DCC: variants seen among roughly 807,000 people sequenced by gnomAD.
DCC encodes the protein DCC netrin 1 receptor, also known as netrin receptor DCC.
DCC carries 58 observed loss-of-function variants against 172.5 expected under a neutral mutation model. The observed-to-expected ratio is 0.34, with a 90% CI of 0.27 to 0.42. The LOEUF is 0.42. Among genes scored for constraint, DCC ranks in the 10% least tolerant of loss-of-function variants. The pLI, the probability that DCC is intolerant of heterozygous loss-of-function variation, is 1.00. For missense variants in DCC, 1,740 were observed against 1,791.0 expected (o/e 0.97, Z 0.51); for synonymous variants, 709 against 644.5 (o/e 1.10, Z -1.52).
chr18:52,590,593 C>G (rs577835007), intron 1 of DCC, among the ~76,000 whole-genome samples: 1 of 152,174 alleles, frequency 6.6e-6, no homozygotes, highest in Middle Eastern at 3.4e-3. Context: ...GCTGAGAGTG[C>G]GAAGATGAGG....
chr18:53,201,677 C>T lies in DCC; in HGVS notation c.1574-3539C>T, dbSNP rs564781308. On this transcript the variant is annotated intron_variant, in intron 9 of 28. Coordinates refer to ENST00000442544, the MANE Select transcript of DCC (RefSeq NM_005215.4). ...TGGTTTGCTTTGTTTCATTTTTTTC[C>T]CATTAAGGAAATGTCTGCTTTGTTA... Among the ~76,000 whole-genome samples the T allele has an allele frequency of 8.5e-4, 129 of 152,048 alleles. 1 individual carries two copies. Among genetic ancestry groups the T allele is most frequent in the Non-Finnish European group, 1.6e-3 (109 of 67,990 alleles).
chr18:52,620,320 A>T, intron 1 of DCC, among the ~76,000 whole-genome samples: 1 of 152,206 alleles, frequency 6.6e-6, no homozygotes, highest in East Asian at 1.9e-4. Flanking sequence ...GAGCTACACT[A>T]ACTGGAGAGA....
intron 2 of DCC, among the ~76,000 whole-genome samples, chr18:52,790,784 A>G (rs906447536): frequency 6.6e-6 from 1 of 152,168 alleles, no homozygotes; most frequent in Non-Finnish European, 1.5e-5. Context: ...TGCCTGCAGA[A>G]TTGCCTGTTT....
chr18:53,389,147 T>A (rs1908379696), intron 16 of DCC, among the ~76,000 whole-genome samples: 1 of 152,172 alleles, frequency 6.6e-6, no homozygotes, highest in Non-Finnish European at 1.5e-5. Context: ...AAACACCTGT[T>A]AGGAATTGAA....
chr18:53,327,723 G>T (rs1333036697), intron 14 of DCC, among the ~76,000 whole-genome samples: 2 of 152,094 alleles, frequency 1.3e-5, no homozygotes, highest in Non-Finnish European at 2.9e-5. Flanking sequence ...TAAGAATTGG[G>T]GTAAGGAGTG....
intron 12 of DCC, among the ~76,000 whole-genome samples, chr18:53,287,162 G>A (rs1025555979): frequency 2.0e-5 from 3 of 152,000 alleles, no homozygotes; most frequent in African/African-American, 7.2e-5. Flanking sequence ...ACCCATCAGA[G>A]GCAATCTCTC....
intron 1 of DCC, among the ~76,000 whole-genome samples, chr18:52,479,577 T>TCC (rs1312471041): frequency 2.9e-3 from 94 of 32,954 alleles, no homozygotes; most frequent in Admixed American, 0.011. Flanking sequence ...CCTACCTCCC[T>TCC]CCACCCCCCC....
chr18:52,856,625 C>CAAAAAAAAA (rs11426617), intron 2 of DCC, among the ~76,000 whole-genome samples: 57 of 82,924 alleles, frequency 6.9e-4, no homozygotes, highest in East Asian at 8.7e-4. Context: ...GACTCCATCT[C>CAAAAAAAAA]AAAAAAAAAA....
intron 15 of DCC, among the ~76,000 whole-genome samples, chr18:53,370,844 T>C (rs188144889): frequency 3.0e-4 from 45 of 151,970 alleles, no homozygotes; most frequent in African/African-American, 1.0e-3. Flanking sequence ...CATATGCCTG[T>C]TAAATCTAGT....
At chr18:52,610,382 CAAAAAAAAAAAAAAA>C (rs55715009) in intron 1 of DCC, among the ~76,000 whole-genome samples, 1 of 49,964 alleles carries the variant, frequency 2.0e-5, no homozygotes, top group Non-Finnish European at 3.0e-5. Context: ...TCTGTCTCAA[CAAAAAAAAAAAAAAA>C]AAAAAAAAAA....
chr18:53,114,192 C>A (rs555331120), intron 7 of DCC, among the ~76,000 whole-genome samples: 1 of 151,532 alleles, frequency 6.6e-6, no homozygotes, highest in East Asian at 2.0e-4. Context: ...TACCAGTTAG[C>A]ATTTGTATTG....
At position 53,534,729 on chromosome 18, in the gene DCC, A is replaced by G. The variant is rs1383081799; in HGVS notation, c.*4076A>G. 6.6e-6 allele frequency: 1 copy of G among 152,166 alleles called. No homozygotes were observed. The highest frequency in any genetic ancestry group is 1.9e-4 in the East Asian group (1 of 5,202). 9.4% of individuals were successfully genotyped at this position (152,166 alleles called of 1,614,324 possible). A position where few individuals can be genotyped will look rare whatever the true frequency, so the allele number is the denominator to read the frequency against. ...CTTGCTATCTAAATACCTGTTGCCA[A>G]AAAGTATTGATTTGGGAAAAAAAAT... On this transcript the variant is annotated 3_prime_UTR_variant, in exon 29 of 29. Transcript: ENST00000442544.
intron 25 of DCC, among the ~76,000 whole-genome samples, chr18:53,468,504 T>C (rs931451270): frequency 6.6e-6 from 1 of 151,994 alleles, no homozygotes; most frequent in African/African-American, 2.4e-5. Context: ...TGCCTCAGTC[T>C]TCCAAGAAGC....
At chr18:52,723,198 G>A (rs899721233) in intron 1 of DCC, among the ~76,000 whole-genome samples, 1 of 152,034 alleles carries the variant, frequency 6.6e-6, no homozygotes, top group Admixed American at 6.6e-5. Flanking sequence ...TATATTGTTT[G>A]TTTGTCTTTT....
chr18:52,482,839 C>A (rs1221969), intron 1 of DCC, among the ~76,000 whole-genome samples: 46,944 of 152,020 alleles, frequency 0.31, 8,194 homozygotes, highest in Non-Finnish European at 0.39. Context: ...ATTCTCTTTA[C>A]CCCTTTCGTA....
chr18:53,292,552 G>A (rs1389629376), intron 12 of DCC, among the ~76,000 whole-genome samples: 1 of 152,054 alleles, frequency 6.6e-6, no homozygotes, highest in Admixed American at 6.6e-5. Context: ...TCCAGGCATG[G>A]GTGGTGGGCA....
chr18:53,411,995 G>A (rs1172201788), intron 20 of DCC, among the ~76,000 whole-genome samples: 2 of 152,162 alleles, frequency 1.3e-5, no homozygotes, highest in Non-Finnish European at 2.9e-5. Flanking sequence ...AGAGATCTGA[G>A]GAAAGGTTGA....
At chr18:52,936,040 T>A (rs1035056506) in intron 5 of DCC, among the ~76,000 whole-genome samples, 1 of 152,078 alleles carries the variant, frequency 6.6e-6, no homozygotes, top group Non-Finnish European at 1.5e-5. Flanking sequence ...TGAATCATAC[T>A]GAAATGAGTT....
intron 7 of DCC, among the ~76,000 whole-genome samples, chr18:53,103,140 T>C (rs1344096780): frequency 6.6e-6 from 1 of 152,040 alleles, no homozygotes; most frequent in Non-Finnish European, 1.5e-5. Flanking sequence ...TATATCACCA[T>C]GCAAAATTCC....
Sources: gnomAD v4.1 joint callset for allele counts (sites outside exome capture counted in the v4.1 genomes callset) on GRCh38, gnomAD v4.1.1 for gene constraint, MANE v1.5 for transcripts, NCBI Gene and HGNC (gene_info 2026-07-23, HGNC 2026-07-21) for gene names.